FAT3: variants seen among roughly 807,000 people sequenced by gnomAD.
FAT3 encodes protocadherin Fat 3.
In FAT3, 95 loss-of-function variants were observed where a neutral mutation model predicts 310.2. The observed-to-expected ratio is 0.31, with a 90% CI of 0.26 to 0.36. FAT3 has a LOEUF of 0.36. FAT3 is among the 10% of genes least tolerant of loss of function. The pLI is 1.00. For synonymous variants in FAT3, 2,314 were observed against 2,192.9 expected (o/e 1.06, Z -1.54); for missense variants, 5,408 against 5,715.6 (o/e 0.95, Z 1.74).
intron 13 of FAT3, among the ~76,000 whole-genome samples, chr11:92,815,819 C>T (rs1947811083): frequency 6.6e-6 from 1 of 152,132 alleles, no homozygotes; most frequent in Non-Finnish European, 1.5e-5. Context: ...CAAGTGTGAA[C>T]CTCCAGAAGG....
At chr11:92,785,462 T>C (rs1285922700) in intron 7 of FAT3, among the ~76,000 whole-genome samples, 1 of 152,042 alleles carries the variant, frequency 6.6e-6, no homozygotes, top group Non-Finnish European at 1.5e-5. Flanking sequence ...GTAATATAAT[T>C]ATATATCTGA....
chr11:92,255,085 A>T (rs1865264014), intron 1 of FAT3, among the ~76,000 whole-genome samples: 1 of 152,086 alleles, frequency 6.6e-6, no homozygotes, highest in Admixed American at 6.6e-5. Flanking sequence ...TTATAGCAGC[A>T]AATATAATAG....
intron 2 of FAT3, among the ~76,000 whole-genome samples, chr11:92,408,804 A>G (rs866871974): frequency 2.0e-5 from 3 of 152,192 alleles, no homozygotes; most frequent in Middle Eastern, 3.2e-3. Flanking sequence ...ATGAACTCCT[A>G]TGGAAATTAC....
intron 1 of FAT3, among the ~76,000 whole-genome samples, chr11:92,299,059 A>G (rs972853752): frequency 1.3e-5 from 2 of 152,108 alleles, no homozygotes; most frequent in Admixed American, 6.6e-5. Context: ...GAAGAGGGGT[A>G]GCTTTCTGTG....
rs376278280 is a variant in FAT3 at position 92,353,800 on chromosome 11, A to G, written c.1688A>G (p.Asn563Ser). 97 of 1,613,482 alleles carry G rather than the reference A, an allele frequency of 6.0e-5. No homozygotes were observed. Among genetic ancestry groups the G allele is most frequent in the Non-Finnish European group, 7.5e-5 (88 of 1,179,626 alleles). The change falls in exon 2 of 28, where the codon AAT becomes AGT. Residue 563 changes from asparagine to serine, a missense_variant. Physicochemically the swap from Asn to Ser is conservative, Grantham distance 46 (BLOSUM62 1). This residue lies in a region of FAT3 where 4,588 missense variants were observed against 4,809.8 expected (regional missense o/e 0.95). Coordinates refer to ENST00000525166, the MANE Select transcript of FAT3 (RefSeq NM_001367949.2). The part of the protein sequence containing the change: ...GSPYRHESEV[N>S]VTIRIGNVND... ...CCATACCGCCATGAAAGTGAGGTCA[A>G]TGTGACTATTCGAATAGGAAATGTC...
intron 3 of FAT3, among the ~76,000 whole-genome samples, chr11:92,641,855 C>G (rs2135730545): frequency 1.3e-5 from 2 of 152,354 alleles, no homozygotes; most frequent in Middle Eastern, 6.8e-3. Context: ...ATTGCTATAA[C>G]TGTAAAACTC....
At chr11:92,606,369 G>A (rs995613919) in intron 3 of FAT3, among the ~76,000 whole-genome samples, 6 of 152,154 alleles carry the variant, frequency 3.9e-5, no homozygotes, top group African/African-American at 2.4e-5. Flanking sequence ...GGAGAGTGCA[G>A]CATGCATGAC....
intron 3 of FAT3, among the ~76,000 whole-genome samples, chr11:92,531,952 C>G (rs1435292476): frequency 3.3e-5 from 5 of 151,972 alleles, no homozygotes; most frequent in Admixed American, 3.3e-4. Flanking sequence ...TTGTGACAAC[C>G]AAAATATCAC....
At chr11:92,692,823 C>G (rs186774997) in intron 3 of FAT3, among the ~76,000 whole-genome samples, 4 of 152,306 alleles carry the variant, frequency 2.6e-5, no homozygotes, top group African/African-American at 9.6e-5. Context: ...AACCCAGCTT[C>G]CAACAGTCTT....
At chr11:92,279,679 T>A (rs1205553367) in intron 1 of FAT3, among the ~76,000 whole-genome samples, 2 of 152,190 alleles carry the variant, frequency 1.3e-5, no homozygotes, top group African/African-American at 4.8e-5. Context: ...CTTTATCATT[T>A]CTATGTGTTG....
chr11:92,592,575 C>T (rs1292068117), intron 3 of FAT3, among the ~76,000 whole-genome samples: 3 of 152,034 alleles, frequency 2.0e-5, no homozygotes, highest in Non-Finnish European at 2.9e-5. Context: ...CTGGCTCGCC[C>T]TCCCAAAGTG....
rs535498610 is a variant in FAT3, at chr11:92,468,964, G to C, written c.3293-55670G>C. On this transcript the variant is annotated intron_variant, in intron 2 of 27. Transcript: ENST00000525166. ...TTTTGCTAATGATTTCTTTTTCTTGGATGTGAAGCCATAGCCAAACTTTCA... is the reference window on the plus strand; with the variant it reads ...TTTTGCTAATGATTTCTTTTTCTTGCATGTGAAGCCATAGCCAAACTTTCA... 3.9e-5 allele frequency among the ~76,000 whole-genome samples: 6 copies of C among 152,036 alleles called. No individual in the cohort carries two copies. The South Asian group carries it at 1.2e-3, about 32-fold the overall frequency.
chr11:92,452,075 A>G (rs916559360), intron 2 of FAT3, among the ~76,000 whole-genome samples: 2 of 152,214 alleles, frequency 1.3e-5, no homozygotes, highest in African/African-American at 4.8e-5. Context: ...ATCCATTAGG[A>G]AACAGTTCTG....
At chr11:92,244,722 G>A (rs1273530293) in intron 1 of FAT3, among the ~76,000 whole-genome samples, 1 of 152,056 alleles carries the variant, frequency 6.6e-6, no homozygotes, top group Non-Finnish European at 1.5e-5. Context: ...TAGGCTTACG[G>A]TGGGGCTTAA....
intron 3 of FAT3, among the ~76,000 whole-genome samples, chr11:92,539,639 A>G (rs1954375842): frequency 1.3e-5 from 2 of 152,158 alleles, no homozygotes; most frequent in Non-Finnish European, 2.9e-5. Context: ...CCTGTGTGTA[A>G]ATGTGAATTT....
intron 2 of FAT3, among the ~76,000 whole-genome samples, chr11:92,468,935 G>T (rs192672526): frequency 1.3e-5 from 2 of 152,262 alleles, no homozygotes; most frequent in Non-Finnish European, 2.9e-5. Flanking sequence ...AAATTATTAT[G>T]ATTTTTTGCT....
chr11:92,647,966 G>C (rs1168551745), intron 3 of FAT3, among the ~76,000 whole-genome samples: 1 of 152,144 alleles, frequency 6.6e-6, no homozygotes, highest in African/African-American at 2.4e-5. Context: ...TATTTCACTA[G>C]TAGACCTGGA....
intron 4 of FAT3, among the ~76,000 whole-genome samples, chr11:92,754,083 G>T (rs957265720): frequency 4.0e-5 from 6 of 151,762 alleles, no homozygotes; most frequent in Non-Finnish European, 8.8e-5. Flanking sequence ...CACCACTAAA[G>T]AACTTAATCA....
intron 1 of FAT3, among the ~76,000 whole-genome samples, chr11:92,337,551 C>T (rs1353387510): frequency 6.6e-6 from 1 of 152,222 alleles, no homozygotes; most frequent in East Asian, 1.9e-4. Flanking sequence ...CCTGCCTCAG[C>T]CTCCTGAGTA....
Sources: gnomAD v4.1 joint callset for allele counts (sites outside exome capture counted in the v4.1 genomes callset) on GRCh38, gnomAD v4.1.1 for gene constraint, gnomAD v4.1.1 regional missense constraint, MANE v1.5 for transcripts, NCBI Gene and HGNC (gene_info 2026-07-23, HGNC 2026-07-21) for gene names.